The following CWH43 variants were observed in gnomAD, a reference collection of about 807,000 sequenced individuals.
CWH43 encodes cell wall biogenesis 43 C-terminal homolog.
In CWH43, 91 loss-of-function variants were observed where a neutral mutation model predicts 85.7. The observed-to-expected ratio is 1.06, with a 90% confidence interval of 0.90 to 1.26. The LOEUF is 1.26. Among genes scored for constraint, CWH43 ranks in the 50% most tolerant of loss-of-function variants. CWH43 has a pLI of 0.00. For missense variants in CWH43, 869 were observed against 839.2 expected (o/e 1.04, Z -0.44); for synonymous variants, 323 against 293.6 (o/e 1.10, Z -1.02).
intron 5 of CWH43, among the ~76,000 whole-genome samples, chr4:48,996,163 G>A (rs549745167): frequency 3.0e-4 from 45 of 152,232 alleles, no homozygotes; most frequent in African/African-American, 1.1e-3. Flanking sequence ...GTCCTGGCAA[G>A]CCCTACTCCC....
chr4:48,992,174 A>G lies in CWH43; in HGVS notation c.511+84A>G. ...TGCACATCTTGGAAAGAAAATCTAT[A>G]AAAGTAGTCTTTCTGCATTATATCT... is the stretch of plus-strand genomic sequence containing the variant. On this transcript the variant is annotated intron_variant, in intron 4 of 15. Transcript: ENST00000226432. The surrounding 1 kb of genome is among the most constrained non-coding windows in gnomAD (Gnocchi z 4.3). 5 of 1,186,474 alleles carry G rather than the reference A, an allele frequency of 4.2e-6. No homozygotes were observed. Among genetic ancestry groups the G allele is most frequent in the Non-Finnish European group, 6.0e-6 (5 of 829,152 alleles). 73.5% of individuals were successfully genotyped at this position (1,186,474 alleles called of 1,614,324 possible).
In CWH43 at chr4:49,007,202, G is replaced by A. The variant is rs1783186390; in HGVS notation, c.1062G>A (p.Gly354=). Residue 354 remains glycine, a splice_region_variant and synonymous_variant, in exon 8 of 16, where the codon GGG becomes GGA. Coordinates refer to ENST00000226432, the MANE Select transcript of CWH43 (RefSeq NM_025087.3). ...YARERSDVLL[G]TMMLIIGLNM... Reference sequence around the variant, plus strand: ...TATTCTTTCTTTCTCTTATAACAGGGACAATGATGTTAATTATCGGGCTGA... The same window carrying A: ...TATTCTTTCTTTCTCTTATAACAGGAACAATGATGTTAATTATCGGGCTGA... 3 of 1,606,458 alleles carry A rather than the reference G, an allele frequency of 1.9e-6. No individual in the cohort carries two copies. Among genetic ancestry groups the A allele is most frequent in the Admixed American group, 3.4e-5 (2 of 58,820 alleles).
intron 9 of CWH43, among the ~76,000 whole-genome samples, chr4:49,024,857 C>T (rs556676228): frequency 8.6e-5 from 13 of 151,912 alleles, no homozygotes; most frequent in Non-Finnish European, 1.5e-4. Flanking sequence ...CAATGTATTT[C>T]CCAAGTGTTT....
intron 2 of CWH43, among the ~76,000 whole-genome samples, chr4:48,991,029 A>G (rs938933626): frequency 1.9e-4 from 29 of 152,216 alleles, no homozygotes; most frequent in Non-Finnish European, 3.5e-4. Flanking sequence ...AGGCAGTCAC[A>G]AAAGGCCACA....
intron 8 of CWH43, among the ~76,000 whole-genome samples, chr4:49,009,156 AGTG>A (rs1783267066): frequency 6.6e-6 from 1 of 152,150 alleles, no homozygotes; most frequent in African/African-American, 2.4e-5. Flanking sequence ...TTCATTGAGC[AGTG>A]GTTTGTAGTT....
chr4:49,043,116 G>A (rs1357171678), intron 13 of CWH43, among the ~76,000 whole-genome samples: 1 of 152,112 alleles, frequency 6.6e-6, no homozygotes, highest in Non-Finnish European at 1.5e-5. Flanking sequence ...AAGTTACTTA[G>A]CCTTTCTGGG....
In CWH43 at chr4:48,991,676, A is replaced by G. The variant is rs1318239887; in HGVS notation, c.356+102A>G. 6 of 1,353,784 alleles carry G rather than the reference A, an allele frequency of 4.4e-6. No homozygotes were observed. In the African/African-American group the frequency reaches 5.9e-5, roughly 13 times the overall value. 83.9% of individuals were successfully genotyped at this position (1,353,784 alleles called of 1,614,324 possible). On this transcript the variant is annotated intron_variant, in intron 3 of 15. Coordinates refer to ENST00000226432, the MANE Select transcript of CWH43 (RefSeq NM_025087.3). Reference sequence around the variant, plus strand: ...CCAGGTTATAGTTTTTACCTTCCATATGGCTTTGTCAAAGTCTCCTTTTTT... The same window carrying G: ...CCAGGTTATAGTTTTTACCTTCCATGTGGCTTTGTCAAAGTCTCCTTTTTT...
intron 2 of CWH43, among the ~76,000 whole-genome samples, 185 bp from the exon 3 acceptor site, chr4:48,991,269 C>T (rs1782646942): frequency 6.6e-6 from 1 of 152,108 alleles, no homozygotes. Context: ...TATATTTTAA[C>T]ATGGTGACTT....
chr4:49,028,649 T>C lies in CWH43; in HGVS notation c.1287T>C (p.Ser429=), dbSNP rs1368593174. ...LGKVAPTKEV[S]AAIWPFRFGY... ...CTCAGGCACCAACCAAAGAGGTCTC[T>C]GCTGCCATCTGGCCTTTCAGGTTTG... Residue 429 remains serine (S), a synonymous_variant, in exon 10 of 16, where the codon TCT becomes TCC. Coordinates refer to ENST00000226432, the MANE Select transcript of CWH43 (RefSeq NM_025087.3). The C allele has an allele frequency of 6.2e-7, 1 of 1,613,720 alleles. No individual in the cohort carries two copies. Among genetic ancestry groups the C allele is most frequent in the South Asian group, 1.1e-5 (1 of 91,032 alleles).
intron 2 of CWH43, among the ~76,000 whole-genome samples, chr4:48,990,490 C>G (rs1263483712): frequency 1.3e-5 from 2 of 152,154 alleles, no homozygotes; most frequent in Non-Finnish European, 2.9e-5. Context: ...CAGAGAGGAT[C>G]TGAGCATTAC....
chr4:48,990,501 A>G (rs888000568), intron 2 of CWH43, among the ~76,000 whole-genome samples: 3 of 152,202 alleles, frequency 2.0e-5, no homozygotes, highest in African/African-American at 7.2e-5. Flanking sequence ...TGAGCATTAC[A>G]TGCCATCTCA....
At chr4:49,009,487 C>A (rs1783280192) in intron 8 of CWH43, among the ~76,000 whole-genome samples, 1 of 152,124 alleles carries the variant, frequency 6.6e-6, no homozygotes, top group African/African-American at 2.4e-5. Context: ...TGCCTGATTG[C>A]CCTGGCCAGA....
At chr4:49,011,975 A>G (rs1429860088) in intron 8 of CWH43, among the ~76,000 whole-genome samples, 1 of 152,118 alleles carries the variant, frequency 6.6e-6, no homozygotes, top group Non-Finnish European at 1.5e-5. Flanking sequence ...CTTGAGGAAT[A>G]TCTTTGTGGT....
intron 9 of CWH43, among the ~76,000 whole-genome samples, chr4:49,025,199 G>C (rs1485620699): frequency 6.6e-6 from 1 of 151,570 alleles, no homozygotes; most frequent in Admixed American, 6.6e-5. Context: ...TCTAGAAGTT[G>C]TGATTGTTTT....
intron 9 of CWH43, among the ~76,000 whole-genome samples, chr4:49,018,125 C>A (rs919301013): frequency 6.6e-6 from 1 of 152,146 alleles, no homozygotes; most frequent in African/African-American, 2.4e-5. Context: ...AGCCACCATG[C>A]CTGGCAGGTG....
rs1186352627 is a variant in CWH43 at position 49,039,595 on chromosome 4, T to A, written c.1803+1415T>A. Among the ~76,000 whole-genome samples, 4 of 151,006 alleles carry A rather than the reference T, an allele frequency of 2.6e-5. No homozygotes were observed. The Admixed American group carries it at 2.7e-4, about 10-fold the overall frequency. The stretch of plus-strand genomic sequence containing the variant: ...TGCAGAGAAAAAATCTTATCCGTCT[T>A]ATGTTGATTTTACTACTTTAACTCT... On this transcript the variant is annotated intron_variant, in intron 13 of 15. Transcript: ENST00000226432.
Position 49,038,185 on chromosome 4 carries a change from C to A in CWH43, c.1803+5C>A. Reference sequence around the variant, plus strand: ...ACTGAACATGGCAATGTGAAGGTAACATAATCTTAATAGGATTTCTAATTT... The same window carrying A: ...ACTGAACATGGCAATGTGAAGGTAAAATAATCTTAATAGGATTTCTAATTT... On this transcript the variant is annotated splice_donor_5th_base_variant and intron_variant, in intron 13 of 15. Coordinates refer to ENST00000226432, the MANE Select transcript of CWH43 (RefSeq NM_025087.3). 1 of 1,545,174 alleles carries A rather than the reference C, an allele frequency of 6.5e-7. No homozygotes were observed. Among genetic ancestry groups the A allele is most frequent in the Non-Finnish European group, 8.7e-7 (1 of 1,145,780 alleles).
intron 9 of CWH43, among the ~76,000 whole-genome samples, chr4:49,027,603 G>A (rs1338651112): frequency 2.6e-5 from 4 of 152,140 alleles, no homozygotes; most frequent in Admixed American, 2.6e-4. Flanking sequence ...TGCATGGGAT[G>A]TTTTGATAAA....
rs890332530 is a variant in CWH43 at position 49,044,866 on chromosome 4, T to G, written c.1865+19T>G. 3.1e-6 allele frequency: 5 copies of G among 1,604,004 alleles called. No homozygotes were observed. The highest frequency in any genetic ancestry group is 4.3e-6 in the Non-Finnish European group (5 of 1,172,112). On this transcript the variant is annotated intron_variant, in intron 14 of 15. Coordinates refer to ENST00000226432, the MANE Select transcript of CWH43 (RefSeq NM_025087.3). ...TGATCAGGTGAGCACAGGGGTTTGA[T>G]TTTGTTTTTAATCTATTATTAATGT...
Sources: allele counts gnomAD v4.1 joint callset (sites outside exome capture counted in the v4.1 genomes callset), GRCh38; gene constraint gnomAD v4.1.1; non-coding constraint Gnocchi (gnomAD v3.1); transcripts MANE v1.5; gene names NCBI Gene and HGNC (gene_info 2026-07-23, HGNC 2026-07-21).